Variants in PI4KA observed in about 807,000 individuals in gnomAD.
PI4KA encodes the protein phosphatidylinositol 4-kinase alpha.
A neutral mutation model predicts 271.4 loss-of-function variants in PI4KA; 122 were observed. That is an observed-to-expected ratio of 0.45 (90% confidence interval 0.39 to 0.52). The LOEUF (loss-of-function observed/expected upper bound fraction) is 0.52. PI4KA is among the 20% of genes least tolerant of loss of function. PI4KA has a pLI of 0.00. For missense variants in PI4KA, 1,969 were observed against 2,769.1 expected, an observed-to-expected ratio of 0.71 and a Z score of 6.48; for synonymous variants, 1,041 against 1,078.8, an observed-to-expected ratio of 0.96 and a Z score of 0.69.
intron 7 of PI4KA, 25 bp downstream of exon 7, chr22:20,818,458 T>A (rs1370063190): frequency 6.4e-7 from 1 of 1,556,038 alleles, no homozygotes. Context: ...TACGTCAAAA[T>A]ATTCTTCGGA....
At chr22:20,811,164 A>G in intron 8 of PI4KA, 132 bp from the exon 9 acceptor site, 2 of 709,780 alleles carry the variant, frequency 2.8e-6, no homozygotes, top group Non-Finnish European at 5.1e-6. Flanking sequence ...ATAAATACAA[A>G]TTATGGCTAT....
At chr22:20,771,250 C>A (rs1044488256) in intron 19 of PI4KA, among the ~76,000 whole-genome samples, 1 of 151,922 alleles carries the variant, frequency 6.6e-6, no homozygotes, top group East Asian at 1.9e-4. Flanking sequence ...TGGTGAAACC[C>A]GTCTCTACTA....
chr22:20,728,186 C>T (rs758063455), intron 39 of PI4KA, among the ~76,000 whole-genome samples: 21 of 152,216 alleles, frequency 1.4e-4, no homozygotes, highest in Non-Finnish European at 2.5e-4. Context: ...TTTCACGTTG[C>T]ATGCCTGTAT....
At chr22:20,786,055 A>G (rs1459073188) in intron 19 of PI4KA, 6 of 1,614,166 alleles carry the variant, frequency 3.7e-6, no homozygotes, top group Non-Finnish European at 5.1e-6. Flanking sequence ...ACTACAATCT[A>G]GTGGAGTCCC....
chr22:20,740,425 TAA>T (rs1206046994), intron 32 of PI4KA, among the ~76,000 whole-genome samples: 3 of 144,672 alleles, frequency 2.1e-5, no homozygotes, highest in Non-Finnish European at 4.6e-5. Context: ...AAAAAAAAAT[TAA>T]AAAAATATTG....
At chr22:20,767,596 G>A (rs1340771600) in intron 19 of PI4KA, among the ~76,000 whole-genome samples, 2 of 152,054 alleles carry the variant, frequency 1.3e-5, no homozygotes, top group Non-Finnish European at 2.9e-5. Context: ...CCCAGTAGCA[G>A]GGAGGACAGG....
chr22:20,842,272 T>C (rs1306689812), intron 1 of PI4KA, among the ~76,000 whole-genome samples: 2 of 151,954 alleles, frequency 1.3e-5, no homozygotes, highest in African/African-American at 2.4e-5. Flanking sequence ...TGGAAATGAG[T>C]TCTCCCCTAG....
At position 20,729,437 on chromosome 22, in the gene PI4KA, C is replaced by T; in HGVS notation, c.4558G>A (p.Ala1520Thr). ...LSAPELELDQ[A>T]GENSVANWRS... ...CAGTTGGCCACGCTGTTCTCTCCGG[C>T]CTGGTCTAGTTCCAGTTCCGGGGCT... The change falls in exon 39 of 55, where the codon GCC becomes ACC. Residue 1520 changes from alanine (A) to threonine (T), a missense_variant. Ala to Thr is a moderately conservative substitution (Grantham distance 58). Transcript: ENST00000255882. 1.2e-6 allele frequency: 2 copies of T among 1,612,804 alleles called. No individual in the cohort carries two copies. The highest frequency in any genetic ancestry group is 2.2e-5 in the South Asian group (2 of 90,804).
At chr22:20,819,955 A>G (rs1331375568) in intron 5 of PI4KA, 55 bp from the exon 6 acceptor site, 2 of 1,445,166 alleles carry the variant, frequency 1.4e-6, no homozygotes, top group Non-Finnish European at 1.9e-6. Flanking sequence ...ATAGAGTCAT[A>G]TAGTAAGTAC....
At chr22:20,790,735 C>T (rs1934585081) in intron 19 of PI4KA, among the ~76,000 whole-genome samples, 2 of 148,400 alleles carry the variant, frequency 1.3e-5, no homozygotes, top group African/African-American at 2.5e-5. Context: ...CACACACACA[C>T]ACACACAACA....
Position 20,708,091 on chromosome 22 carries a change from T to C in PI4KA, c.6265A>G (p.Thr2089Ala). The C allele has an allele frequency of 1.9e-6, 3 of 1,613,510 alleles. No homozygotes were observed. The highest frequency in any genetic ancestry group is 2.5e-6 in the Non-Finnish European group (3 of 1,179,554). ...TGATAGTACTGGATCATGTCGTAGGTCCGGCTCCTGAAAGGCCAAGGAAGA... is the reference window on the plus strand; with the variant it reads ...TGATAGTACTGGATCATGTCGTAGGCCCGGCTCCTGAAAGGCCAAGGAAGA... ...QSCFLSNRSR[T>A]YDMIQYYQND... is the part of the protein sequence containing the mutation. The change falls in exon 55 of 55, where the codon ACC (threonine) becomes GCC (alanine). Residue 2089 changes from threonine (T) to alanine (A), a missense_variant. This residue lies in a region of PI4KA where 110 missense variants were observed against 349.8 expected (regional missense o/e 0.31). Transcript: ENST00000255882.
chr22:20,708,192 T>C, intron 54 of PI4KA, 94 bp from the exon 55 acceptor site: 1 of 939,394 alleles, frequency 1.1e-6, no homozygotes, highest in Non-Finnish European at 1.8e-6. Flanking sequence ...AATCAGCCCC[T>C]TATGGCTGCC....
At chr22:20,766,048 G>A (rs78376090) in intron 19 of PI4KA, among the ~76,000 whole-genome samples, 2,319 of 152,246 alleles carry the variant, frequency 0.015, 69 homozygotes, top group African/African-American at 0.052. Context: ...AACTTAGCCA[G>A]GAAAGAAGAG....
At chr22:20,839,258 A>G (rs1925263079) in intron 1 of PI4KA, among the ~76,000 whole-genome samples, 1 of 152,196 alleles carries the variant, frequency 6.6e-6, no homozygotes, top group Non-Finnish European at 1.5e-5. Context: ...TAAACCCCAA[A>G]GAGTCCATGT....
At chr22:20,784,882 C>T (rs1934088954) in intron 19 of PI4KA, among the ~76,000 whole-genome samples, 1 of 152,098 alleles carries the variant, frequency 6.6e-6, no homozygotes, top group Admixed American at 6.6e-5. Flanking sequence ...TGGTTTGAAC[C>T]TCCTTATAGG....
intron 19 of PI4KA, chr22:20,779,275 T>C (rs1178305998): frequency 3.1e-6 from 5 of 1,613,394 alleles, no homozygotes; most frequent in African/African-American, 1.3e-5. Flanking sequence ...CGCCTTTCAC[T>C]GTGTTCTGTT....
In PI4KA at chr22:20,752,947, C is replaced by T; in HGVS notation, c.2943G>A (p.Arg981=). 1 of 1,614,172 alleles carries T rather than the reference C, an allele frequency of 6.2e-7. No individual in the cohort carries two copies. Among genetic ancestry groups the T allele is most frequent in the South Asian group, 1.1e-5 (1 of 91,080 alleles). ...GATACTTGTCTGCCACCCTCCTTAT[C>T]CTCTTGTGGATGTGGTTGAAGTTCA... ...LLVNFNHIHK[R]IRRVADKYLS... The change falls in exon 25 of 55, where the codon AGG becomes AGA. Residue 981 remains arginine (R), a synonymous_variant. Transcript: ENST00000255882.
rs1245950843 is a variant in PI4KA, at chr22:20,726,522, A to T, written c.4961T>A (p.Ile1654Asn). 1 of 1,582,546 alleles carries T rather than the reference A, an allele frequency of 6.3e-7. No homozygotes were observed. The highest frequency in any genetic ancestry group is 1.9e-5 in the Admixed American group (1 of 53,966). ...CCTGAGGGCCTGCACAATCTGGGGGATGTAGAAGAGGATGGCGTCCTGTGG... is the reference window on the plus strand; with the variant it reads ...CCTGAGGGCCTGCACAATCTGGGGGTTGTAGAAGAGGATGGCGTCCTGTGG... ...SFPPDAILFY[I>N]PQIVQALRYD... The change falls in exon 42 of 55, where the codon ATC (isoleucine) becomes AAC (asparagine). Residue 1654 changes from isoleucine (I) to asparagine (N), a missense_variant. Transcript: ENST00000255882.
intron 23 of PI4KA, among the ~76,000 whole-genome samples, chr22:20,759,943 A>G (rs1245080159): frequency 8.6e-5 from 13 of 152,012 alleles, no homozygotes; most frequent in Admixed American, 1.3e-4. Context: ...CAGGTGATCT[A>G]CCTGCCTCAG....
Sources: allele counts gnomAD v4.1 joint callset (sites outside exome capture counted in the v4.1 genomes callset), GRCh38; gene constraint gnomAD v4.1.1; regional missense constraint gnomAD v4.1.1; transcripts MANE v1.5; gene names NCBI Gene and HGNC (gene_info 2026-07-23, HGNC 2026-07-21).